Variants in CACNA1C observed in about 807,000 individuals in gnomAD.
The protein encoded by CACNA1C is voltage-dependent L-type calcium channel subunit alpha-1C.
Under a neutral mutation model 229.0 loss-of-function variants are expected in CACNA1C, and 30 were observed. That is an observed-to-expected ratio of 0.13 (90% CI 0.10 to 0.18). CACNA1C has a LOEUF of 0.18. Among genes scored for constraint, CACNA1C ranks in the 10% least tolerant of loss-of-function variants. The pLI, the probability that CACNA1C is intolerant of heterozygous loss-of-function variation, is 1.00. For synonymous variants in CACNA1C, 1,114 were observed against 1,132.5 expected (o/e 0.98, Z 0.33); for missense variants, 1,658 against 2,845.0 (o/e 0.58, Z 9.49).
chr12:2,585,526 G>A lies in CACNA1C; in HGVS notation c.2460+30G>A. 6.5e-7 allele frequency: 1 copy of A among 1,532,002 alleles called. No individual in the cohort carries two copies. Among genetic ancestry groups the A allele is most frequent in the Non-Finnish European group, 8.8e-7 (1 of 1,136,232 alleles). The allele number at this position is 1,532,002 out of a possible 1,614,324, so 94.9% of individuals were successfully genotyped here. A position where few individuals can be genotyped will look rare whatever the true frequency, so the allele number is the denominator to read the frequency against. ...GGAGCTGTCTCCTTCCTGGAGCTGTGAGGCCGGTGCTGGGGAGGGAGGGCC... is the reference window on the plus strand; with the variant it reads ...GGAGCTGTCTCCTTCCTGGAGCTGTAAGGCCGGTGCTGGGGAGGGAGGGCC... On this transcript the variant is annotated intron_variant, in intron 17 of 46. Coordinates refer to ENST00000399655, the MANE Select transcript of CACNA1C (RefSeq NM_000719.7). The surrounding 1 kb of genome is among the most constrained non-coding windows in gnomAD (Gnocchi z 4.1).
intron 1 of CACNA1C, among the ~76,000 whole-genome samples, chr12:2,098,970 T>TG (rs1375506621): frequency 6.6e-6 from 1 of 152,184 alleles, no homozygotes; most frequent in Non-Finnish European, 1.5e-5. Flanking sequence ...CTGCTCACCG[T>TG]GTGAGGGGCG....
In CACNA1C at chr12:2,632,233, C is replaced by T. The variant is rs575482794; in HGVS notation, c.3829-2064C>T. On this transcript the variant is annotated intron_variant, in intron 29 of 46. Coordinates refer to ENST00000399655, the MANE Select transcript of CACNA1C (RefSeq NM_000719.7). The surrounding 1 kb of genome is among the most constrained non-coding windows in gnomAD (Gnocchi z 4.1). ...GTTTTTTCTTAAAGAAGACAAATCT[C>T]TGTAGTACTCGGTCCTTCCCCCTCC... Among the ~76,000 whole-genome samples the T allele has an allele frequency of 2.2e-4, 34 of 152,182 alleles. No homozygotes were observed. The South Asian group carries it at 2.9e-3, about 13-fold the overall frequency.
At chr12:2,407,054 G>T (rs2098745552) in intron 3 of CACNA1C, among the ~76,000 whole-genome samples, 1 of 152,226 alleles carries the variant, frequency 6.6e-6, no homozygotes, top group Admixed American at 6.5e-5. Flanking sequence ...CAGGCTCACT[G>T]CCAGACCTCT....
chr12:2,074,575 C>T (rs1336714389), intron 1 of CACNA1C, among the ~76,000 whole-genome samples: 1 of 152,102 alleles, frequency 6.6e-6, no homozygotes, highest in Non-Finnish European at 1.5e-5. Flanking sequence ...TGGAAATTTC[C>T]ATCCAGGGAG....
intron 1 of CACNA1C, among the ~76,000 whole-genome samples, chr12:1,999,029 T>C (rs2041576638): frequency 6.6e-6 from 1 of 152,214 alleles, no homozygotes; most frequent in Non-Finnish European, 1.5e-5. Context: ...TTCAGCAAAT[T>C]TCTCATTCAC....
intron 3 of CACNA1C, among the ~76,000 whole-genome samples, chr12:2,315,089 G>C (rs73605736): frequency 0.034 from 5,152 of 152,202 alleles, 203 homozygotes; most frequent in African/African-American, 0.09. Flanking sequence ...CTCTTTTGAC[G>C]GACATGAGAG....
chr12:2,552,716 GGGGTGCTACCCCTCA>G (rs1452629673), intron 10 of CACNA1C, among the ~76,000 whole-genome samples: 1 of 152,176 alleles, frequency 6.6e-6, no homozygotes, highest in Non-Finnish European at 1.5e-5. Flanking sequence ...TGTGTGTTCT[GGGGTGCTACCCCTCA>G]GGGTTGCAGG....
At chr12:2,367,296 T>G (rs2097751604) in intron 3 of CACNA1C, among the ~76,000 whole-genome samples, 1 of 152,224 alleles carries the variant, frequency 6.6e-6, no homozygotes, top group Non-Finnish European at 1.5e-5. Context: ...GGAGTCATGC[T>G]TGCTCACCTG....
intron 30 of CACNA1C, among the ~76,000 whole-genome samples, chr12:2,644,309 G>C (rs936507668): frequency 2.0e-5 from 3 of 152,124 alleles, no homozygotes; most frequent in Non-Finnish European, 4.4e-5. Context: ...GCCTGCCAAG[G>C]AGAATGCAGC....
intron 38 of CACNA1C, among the ~76,000 whole-genome samples, chr12:2,671,244 A>G (rs992295387): frequency 1.3e-5 from 2 of 152,020 alleles, no homozygotes; most frequent in Non-Finnish European, 2.9e-5. Context: ...CAATCTCCTG[A>G]CCTTGTGATC....
chr12:2,517,304 A>G (rs187128997), intron 9 of CACNA1C, among the ~76,000 whole-genome samples: 11 of 152,350 alleles, frequency 7.2e-5, no homozygotes, highest in Non-Finnish European at 1.3e-4. Context: ...GAGTCTGGCC[A>G]TCAGGAAACC....
intron 5 of CACNA1C, 110 bp from the exon 6 acceptor site, chr12:2,485,993 AC>A (rs1336991929): frequency 2.0e-5 from 17 of 838,896 alleles, no homozygotes; most frequent in Non-Finnish European, 2.8e-5. Flanking sequence ...TCTCATCTAA[AC>A]AACAGGGCTG....
At chr12:2,447,841 G>A (rs1015807138) in intron 3 of CACNA1C, among the ~76,000 whole-genome samples, 6 of 152,218 alleles carry the variant, frequency 3.9e-5, no homozygotes, top group South Asian at 2.1e-4. Flanking sequence ...CCTCTGACTC[G>A]CAGAGGAGGG....
chr12:2,667,748 G>A (rs2096285760), intron 37 of CACNA1C, among the ~76,000 whole-genome samples: 1 of 152,164 alleles, frequency 6.6e-6, no homozygotes, highest in African/African-American at 2.4e-5. Flanking sequence ...CGGTGGCCAA[G>A]ATACAGTTCA....
chr12:2,301,268 C>T (rs764031154), intron 3 of CACNA1C, among the ~76,000 whole-genome samples: 59 of 152,320 alleles, frequency 3.9e-4, no homozygotes, highest in Non-Finnish European at 7.1e-4. Context: ...CGGTAGAACC[C>T]TCTGTCCCAG....
At chr12:2,329,034 C>A (rs16929262) in intron 3 of CACNA1C, among the ~76,000 whole-genome samples, 4,442 of 152,204 alleles carry the variant, frequency 0.029, 134 homozygotes, top group African/African-American at 0.074. Context: ...ACAGTATGGG[C>A]ATTAACAAAA....
At position 2,486,357 on chromosome 12, in the gene CACNA1C, C is replaced by A; in HGVS notation, c.916+95C>A. 1 of 1,010,696 alleles carries A rather than the reference C, an allele frequency of 9.9e-7. No homozygotes were observed. The highest frequency in any genetic ancestry group is 1.4e-6 in the Non-Finnish European group (1 of 690,994). 62.6% of individuals were successfully genotyped at this position (1,010,696 alleles called of 1,614,324 possible). A position where few individuals can be genotyped will look rare whatever the true frequency, so the allele number is the denominator to read the frequency against. On this transcript the variant is annotated intron_variant, in intron 6 of 46. Coordinates refer to ENST00000399655, the MANE Select transcript of CACNA1C (RefSeq NM_000719.7). This position sits in a 1 kb window ranked among gnomAD's most constrained non-coding sequence, Gnocchi z 4.9. Reference sequence around the variant, plus strand: ...GGCTACACCAACATGACCAGCAGAGCCCAGGGAAGGCCCCATTCATTCAGA... The same window carrying A: ...GGCTACACCAACATGACCAGCAGAGACCAGGGAAGGCCCCATTCATTCAGA...
In CACNA1C at chr12:2,233,536, G is replaced by C. The variant is rs1042131408; in HGVS notation, c.477+113106G>C. ...TGTTCAGCATTCTAAAATCATGTAA[G>C]TTCAGCCTAGGGAATTTTAAATTTT... On this transcript the variant is annotated intron_variant, in intron 3 of 46. Coordinates refer to ENST00000399655, the MANE Select transcript of CACNA1C (RefSeq NM_000719.7). Among the ~76,000 whole-genome samples, 5 of 152,270 alleles carry C rather than the reference G, an allele frequency of 3.3e-5. No individual in the cohort carries two copies. In the South Asian group the frequency reaches 1.0e-3, roughly 32 times the overall value.
At chr12:2,112,736 C>T (rs767147554) in intron 1 of CACNA1C, among the ~76,000 whole-genome samples, 20 of 152,164 alleles carry the variant, frequency 1.3e-4, no homozygotes, top group Non-Finnish European at 2.4e-4. Context: ...AGCTATGTGG[C>T]ATGAGTGATG....
Sources: gnomAD v4.1 joint callset for allele counts (sites outside exome capture counted in the v4.1 genomes callset) on GRCh38, gnomAD v4.1.1 for gene constraint, Gnocchi (gnomAD v3.1) non-coding constraint, MANE v1.5 for transcripts, NCBI Gene and HGNC (gene_info 2026-07-23, HGNC 2026-07-21) for gene names.